DNMBP: variants seen among roughly 807,000 people sequenced by gnomAD.
DNMBP encodes dynamin binding protein.
Under a neutral mutation model 150.0 loss-of-function variants are expected in DNMBP, and 87 were observed. That is an observed-to-expected ratio of 0.58 (90% CI 0.49 to 0.69). The LOEUF is 0.69. Among genes scored for constraint, DNMBP ranks in the 30% least tolerant of loss-of-function variants. The pLI is 0.00. For synonymous variants in DNMBP, 711 were observed against 750.4 expected (o/e 0.95, Z 0.86); for missense variants, 1,774 against 1,949.0 (o/e 0.91, Z 1.69).
intron 4 of DNMBP, among the ~76,000 whole-genome samples, chr10:99,947,102 C>T (rs1176940131): frequency 1.3e-5 from 2 of 152,146 alleles, no homozygotes; most frequent in African/African-American, 2.4e-5. Context: ...AAAGGGAACA[C>T]TTATACACTG....
intron 11 of DNMBP, among the ~76,000 whole-genome samples, chr10:99,892,239 C>T (rs1243085316): frequency 6.7e-6 from 1 of 150,254 alleles, no homozygotes; most frequent in African/African-American, 2.5e-5. Flanking sequence ...GCCCGGCCAC[C>T]ACCCCGTCTG....
chr10:99,896,549 T>C lies in DNMBP; in HGVS notation c.2921-152A>G, dbSNP rs1590219034. 29 of 768,942 alleles carry C rather than the reference T, an allele frequency of 3.8e-5. No homozygotes were observed. The East Asian group carries it at 7.7e-4, about 20-fold the overall frequency. 47.6% of individuals were successfully genotyped at this position (768,942 alleles called of 1,614,324 possible). A position where few individuals can be genotyped will look rare whatever the true frequency, so the allele number is the denominator to read the frequency against. On this transcript the variant is annotated intron_variant, in intron 9 of 16. Coordinates refer to ENST00000324109, the MANE Select transcript of DNMBP (RefSeq NM_015221.4). ...CCAAATAATGATTTATGGACAGACA[T>C]GATATCTGAAGCACAGCAGAGAGAC...
intron 1 of DNMBP, among the ~76,000 whole-genome samples, chr10:100,008,599 T>C (rs1272479099): frequency 6.6e-6 from 1 of 152,266 alleles, no homozygotes; most frequent in Non-Finnish European, 1.5e-5. Context: ...TTATGCAGAA[T>C]TCTAAAAATC....
intron 1 of DNMBP, among the ~76,000 whole-genome samples, chr10:100,009,603 C>T (rs2041110974): frequency 6.6e-6 from 1 of 152,168 alleles, no homozygotes; most frequent in South Asian, 2.1e-4. Context: ...CCCTCCAACT[C>T]CCGGGGACTA....
chr10:99,922,298 A>AC (rs2040030669), intron 4 of DNMBP, among the ~76,000 whole-genome samples: 1 of 151,622 alleles, frequency 6.6e-6, no homozygotes, highest in Non-Finnish European at 1.5e-5. Context: ...ACCCCTTAAC[A>AC]CCCTCAGGTC....
intron 4 of DNMBP, among the ~76,000 whole-genome samples, chr10:99,951,069 C>T (rs946338521): frequency 6.6e-6 from 1 of 152,238 alleles, no homozygotes; most frequent in African/African-American, 2.4e-5. Flanking sequence ...GGACTTGGTG[C>T]CCTGTGTCCC....
intron 3 of DNMBP, 131 bp from the exon 4 acceptor site, chr10:99,957,336 T>C (rs896048395): frequency 1.3e-6 from 1 of 779,192 alleles, no homozygotes; most frequent in East Asian, 2.7e-5. Context: ...TTTAGGAGCA[T>C]GAACAATTTT....
rs535106375 is a variant in DNMBP at position 99,920,260 on chromosome 10, A to G, written c.2261-11114T>C. ...CTGGCTAATTTTGTATTTTTAGTAG[A>G]GAAGGGGTTTCTCCATGTTGGTCAC... On this transcript the variant is annotated intron_variant, in intron 4 of 16. Coordinates refer to ENST00000324109, the MANE Select transcript of DNMBP (RefSeq NM_015221.4). Among the ~76,000 whole-genome samples the G allele has an allele frequency of 4.3e-4, 66 of 152,122 alleles. No individual in the cohort carries two copies. The Middle Eastern group carries it at 0.021, about 47-fold the overall frequency.
At position 99,884,162 on chromosome 10, in the gene DNMBP, G is replaced by A. The variant is rs757975644; in HGVS notation, c.3846C>T (p.Ala1282=). 1.2e-6 allele frequency: 2 copies of A among 1,613,872 alleles called. No individual in the cohort carries two copies. Among genetic ancestry groups the A allele is most frequent in the East Asian group, 2.2e-5 (1 of 44,890 alleles). Residue 1282 remains alanine, a synonymous_variant, in exon 15 of 17, where the codon GCC becomes GCT. Transcript: ENST00000324109. ...QSEELRASLL[A]RYPPEKLFQA... Reference sequence around the variant, plus strand: ...GGAAGAGTTTTTCAGGGGGATACCTGGCCAGGAGGGAGGCCCGGAGTTCTT... The same window carrying A: ...GGAAGAGTTTTTCAGGGGGATACCTAGCCAGGAGGGAGGCCCGGAGTTCTT...
At chr10:99,942,855 G>T (rs1383109128) in intron 4 of DNMBP, among the ~76,000 whole-genome samples, 1 of 152,132 alleles carries the variant, frequency 6.6e-6, no homozygotes, top group Non-Finnish European at 1.5e-5. Flanking sequence ...AAGTAACTCT[G>T]AGCTCATTTT....
At chr10:99,980,484 A>G (rs1002251433) in intron 1 of DNMBP, among the ~76,000 whole-genome samples, 10 of 152,026 alleles carry the variant, frequency 6.6e-5, no homozygotes, top group Admixed American at 3.3e-4. Flanking sequence ...GTATCACTGT[A>G]AAGTGCTACA....
At chr10:99,912,060 T>A (rs1345771349) in intron 4 of DNMBP, among the ~76,000 whole-genome samples, 1 of 152,182 alleles carries the variant, frequency 6.6e-6, no homozygotes, top group Non-Finnish European at 1.5e-5. Flanking sequence ...AATACTCACA[T>A]CAGAATTTTT....
chr10:99,915,128 T>TAC (rs1554863109), intron 4 of DNMBP, among the ~76,000 whole-genome samples: 215 of 126,102 alleles, frequency 1.7e-3, no homozygotes, highest in Non-Finnish European at 2.5e-3. Flanking sequence ...TATATATATA[T>TAC]ACACACACAC....
intron 4 of DNMBP, among the ~76,000 whole-genome samples, chr10:99,915,108 A>AAAAAAAAAAT (rs10654940): frequency 6.0e-5 from 6 of 99,794 alleles, no homozygotes; most frequent in Admixed American, 1.3e-4. Context: ...AAAAAAAAAA[A>AAAAAAAAAAT]ATATATATAT....
intron 1 of DNMBP, among the ~76,000 whole-genome samples, chr10:99,975,909 A>G (rs577436952): frequency 6.6e-6 from 1 of 152,242 alleles, no homozygotes; most frequent in South Asian, 2.1e-4. Context: ...TCCTAGGTAC[A>G]TGCATTTACC....
chr10:99,953,468 T>G (rs2040446254), intron 4 of DNMBP, among the ~76,000 whole-genome samples: 1 of 152,152 alleles, frequency 6.6e-6, no homozygotes, highest in African/African-American at 2.4e-5. Flanking sequence ...GCTGTGAACA[T>G]TCTTCCTGTA....
At chr10:99,962,982 G>T (rs1011506627) in intron 3 of DNMBP, among the ~76,000 whole-genome samples, 13 of 152,326 alleles carry the variant, frequency 8.5e-5, no homozygotes, top group African/African-American at 2.9e-4. Flanking sequence ...CAGTAAAGGT[G>T]AATCTTGAAA....
intron 3 of DNMBP, among the ~76,000 whole-genome samples, chr10:99,965,628 G>A (rs949108402): frequency 9.2e-5 from 14 of 151,576 alleles, no homozygotes; most frequent in African/African-American, 3.4e-4. Flanking sequence ...CTCCCAAGTA[G>A]CTGCAATTAC....
intron 6 of DNMBP, among the ~76,000 whole-genome samples, chr10:99,901,214 G>A (rs2039732362): frequency 6.6e-6 from 1 of 152,224 alleles, no homozygotes; most frequent in Non-Finnish European, 1.5e-5. Flanking sequence ...GGGATTACAG[G>A]TGTGAGCCCC....
Sources: allele counts gnomAD v4.1 joint callset (sites outside exome capture counted in the v4.1 genomes callset), GRCh38; gene constraint gnomAD v4.1.1; transcripts MANE v1.5; gene names NCBI Gene and HGNC (gene_info 2026-07-23, HGNC 2026-07-21).